Variants in ACSM2A observed in about 807,000 individuals in gnomAD.
ACSM2A encodes acyl-CoA synthetase medium chain family member 2A, also known as acyl-coenzyme A synthetase ACSM2A, mitochondrial.
A neutral mutation model predicts 76.6 loss-of-function variants in ACSM2A; 72 were observed. That is an observed-to-expected ratio of 0.94 (90% CI 0.78 to 1.14). The LOEUF is 1.14. ACSM2A is among the 50% of genes most tolerant of loss of function. The probability of loss-of-function intolerance (pLI) is 0.00; values close to 1 mark genes in which losing one functional copy is unlikely to be tolerated. For synonymous variants in ACSM2A, 249 were observed against 255.9 expected (o/e 0.97, Z 0.26); for missense variants, 684 against 708.5 (o/e 0.97, Z 0.39).
At chr16:20,462,039 G>T (rs549105029) in intron 2 of ACSM2A, among the ~76,000 whole-genome samples, 10 of 152,168 alleles carry the variant, frequency 6.6e-5, no homozygotes, top group Non-Finnish European at 1.5e-4. Flanking sequence ...GGTAAAGTCA[G>T]TTCCTTGCTG....
chr16:20,466,625 T>G (rs1216576077), intron 3 of ACSM2A, among the ~76,000 whole-genome samples: 1 of 152,220 alleles, frequency 6.6e-6, no homozygotes, highest in Non-Finnish European at 1.5e-5. Context: ...GCTGATTGGT[T>G]TGGCTGGGGA....
At chr16:20,455,048 C>A (rs2012054599) in intron 1 of ACSM2A, among the ~76,000 whole-genome samples, 1 of 144,918 alleles carries the variant, frequency 6.9e-6, no homozygotes, top group South Asian at 2.3e-4. Flanking sequence ...GAAGAAATAA[C>A]TTCAGAGCTT....
At chr16:20,476,058 A>T in intron 8 of ACSM2A, 3 of 1,070,054 alleles carry the variant, frequency 2.8e-6, no homozygotes, top group Non-Finnish European at 3.6e-6. Context: ...GGAAAAAGTA[A>T]AGTAGATGAC....
chr16:20,469,756 A>G, intron 4 of ACSM2A, 37 bp downstream of exon 4: 1 of 1,612,790 alleles, frequency 6.2e-7, no homozygotes, highest in Non-Finnish European at 8.5e-7. Context: ...GTTTTAACTA[A>G]AACTGGAAAC....
At chr16:20,485,258 C>T (rs571643400) in intron 13 of ACSM2A, among the ~76,000 whole-genome samples, 209 of 152,104 alleles carry the variant, frequency 1.4e-3, no homozygotes, top group African/African-American at 4.5e-3. Context: ...AGGAGTCCTA[C>T]CACACAGTGT....
chr16:20,482,434 C>T (rs1375691941), intron 12 of ACSM2A: 1 of 152,148 alleles, frequency 6.6e-6, no homozygotes, highest in Non-Finnish European at 1.5e-5. Context: ...GTCTAGTGGA[C>T]TTTGATGTGT....
At chr16:20,469,266 G>C (rs576715684) in intron 3 of ACSM2A, among the ~76,000 whole-genome samples, 1 of 152,302 alleles carries the variant, frequency 6.6e-6, no homozygotes, top group South Asian at 2.1e-4. Flanking sequence ...TATCAACAAT[G>C]TGACATTAGC....
chr16:20,477,652 C>A (rs1351782428), intron 9 of ACSM2A, among the ~76,000 whole-genome samples: 2 of 152,016 alleles, frequency 1.3e-5, no homozygotes, highest in Non-Finnish European at 2.9e-5. Context: ...ATATTCTTAC[C>A]ATCCAGAAGG....
rs147314845 is a variant in ACSM2A, at chr16:20,478,597, G to A, written c.1201G>A (p.Val401Ile). ...DVQIIDDKGN[V>I]LPPGTEGDIG... Reference sequence around the variant, plus strand: ...CCAGATCATAGATGATAAGGGCAACGTCCTGCCCCCCGGCACAGAAGGAGA... The same window carrying A: ...CCAGATCATAGATGATAAGGGCAACATCCTGCCCCCCGGCACAGAAGGAGA... Residue 401 changes from valine (V) to isoleucine (I), a missense_variant, in exon 10 of 14, where the codon GTC becomes ATC. Coordinates refer to ENST00000573854, the MANE Select transcript of ACSM2A (RefSeq NM_001308172.2). The A allele has an allele frequency of 4.1e-4, 664 of 1,613,828 alleles. No individual in the cohort carries two copies. Among genetic ancestry groups the A allele is most frequent in the Non-Finnish European group, 4.9e-4 (578 of 1,179,836 alleles).
intron 13 of ACSM2A, among the ~76,000 whole-genome samples, chr16:20,486,151 C>T: frequency 6.6e-6 from 1 of 152,230 alleles, no homozygotes; most frequent in East Asian, 1.9e-4. Context: ...ACTTAGCCTT[C>T]ATAATCTCCT....
Position 20,475,787 on chromosome 16 carries a change from G to A in ACSM2A, c.1098+14G>A. 6.2e-7 allele frequency: 1 copy of A among 1,613,252 alleles called. No homozygotes were observed. The stretch of plus-strand genomic sequence containing the variant: ...CAGACAGAAACGGTACCTGTTCCCA[G>A]GGGAACCATGGGCTGTGTGCACTTT... On this transcript the variant is annotated intron_variant, in intron 8 of 13. Coordinates refer to ENST00000573854, the MANE Select transcript of ACSM2A (RefSeq NM_001308172.2).
rs772156874 is a variant in ACSM2A, at chr16:20,459,595, A to AC, written c.-8-512_-8-511insC. On this transcript the variant is annotated intron_variant, in intron 1 of 13. Coordinates refer to ENST00000573854, the MANE Select transcript of ACSM2A (RefSeq NM_001308172.2). Reference sequence around the variant, plus strand: ...TCTGGGTTATGCAAGTCTCATGCAGAGGGGAGAAATGTGAGAATTTCTGAT... The same window carrying AC: ...TCTGGGTTATGCAAGTCTCATGCAGACGGGGAGAAATGTGAGAATTTCTGAT... 1.5e-3 allele frequency among the ~76,000 whole-genome samples: 230 copies of AC among 152,292 alleles called. 1 individual carries two copies. Among genetic ancestry groups the AC allele is most frequent in the Non-Finnish European group, 2.5e-3 (169 of 68,026 alleles).
At chr16:20,458,931 T>TATAC (rs1373102129) in intron 1 of ACSM2A, among the ~76,000 whole-genome samples, 22 of 56,768 alleles carry the variant, frequency 3.9e-4, no homozygotes, top group Non-Finnish European at 6.1e-4. Context: ...TATATATATA[T>TATAC]ACATATATAT....
At chr16:20,462,647 A>C (rs2012695069) in intron 2 of ACSM2A, among the ~76,000 whole-genome samples, 1 of 152,190 alleles carries the variant, frequency 6.6e-6, no homozygotes. Context: ...CTGAGGATAC[A>C]TGAGACTCTT....
At chr16:20,459,582 A>T (rs1455830518) in intron 1 of ACSM2A, among the ~76,000 whole-genome samples, 2 of 152,170 alleles carry the variant, frequency 1.3e-5, no homozygotes, top group African/African-American at 4.8e-5. Context: ...TGGGTTATGC[A>T]AGTCTCATGC....
chr16:20,482,897 C>T (rs1186303400), intron 12 of ACSM2A, 161 bp from the exon 13 acceptor site: 4 of 1,200,096 alleles, frequency 3.3e-6, no homozygotes, highest in Non-Finnish European at 4.6e-6. Flanking sequence ...GCTGTAACCT[C>T]ATTCATGTCC....
At chr16:20,458,905 CATATATATAT>C (rs72108144) in intron 1 of ACSM2A, among the ~76,000 whole-genome samples, 1 of 74,880 alleles carries the variant, frequency 1.3e-5, no homozygotes, top group South Asian at 4.9e-4. Flanking sequence ...TATATATATG[CATATATATAT>C]ATATATATAT....
rs1230548618 is a variant in ACSM2A, at chr16:20,460,210, C to G, written c.96C>G (p.Ser32=). 6.2e-7 allele frequency: 1 copy of G among 1,613,460 alleles called. No individual in the cohort carries two copies. Among genetic ancestry groups the G allele is most frequent in the Non-Finnish European group, 8.5e-7 (1 of 1,179,732 alleles). ...ACATTAATAGTAGGCAACTGGTGTCCCTGCAGTGGGGCCACCAGGAAGTGC... is the reference window on the plus strand; with the variant it reads ...ACATTAATAGTAGGCAACTGGTGTCGCTGCAGTGGGGCCACCAGGAAGTGC... ...TLYINSRQLV[S]LQWGHQEVPA... Residue 32 remains serine (S), a synonymous_variant, in exon 2 of 14, where the codon TCC becomes TCG. Transcript: ENST00000573854.
At position 20,483,173 on chromosome 16, in the gene ACSM2A, G is replaced by A; in HGVS notation, c.1625G>A (p.Arg542Lys). ...KSVTAPYKYP[R>K]KIEFVLNLPK... is the part of the protein sequence containing the mutation. ...GTGACAGCCCCATACAAGTACCCAA[G>A]AAAGGTAAGGCCTTTGAGCTCCCAA... Residue 542 changes from arginine to lysine, a missense_variant, in exon 13 of 14, where the codon AGA (arginine) becomes AAA (lysine). Arg to Lys is a conservative substitution (Grantham distance 26). This residue lies in a region of ACSM2A where 159 missense variants were observed against 132.5 expected (regional missense o/e 1.20). Transcript: ENST00000573854. The A allele has an allele frequency of 1.9e-6, 3 of 1,613,900 alleles. No homozygotes were observed. The highest frequency in any genetic ancestry group is 2.5e-6 in the Non-Finnish European group (3 of 1,179,876).
Sources: gnomAD v4.1 joint callset for allele counts (sites outside exome capture counted in the v4.1 genomes callset) on GRCh38, gnomAD v4.1.1 for gene constraint, gnomAD v4.1.1 regional missense constraint, MANE v1.5 for transcripts, NCBI Gene and HGNC (gene_info 2026-07-23, HGNC 2026-07-21) for gene names.